CADM2: variants seen among roughly 807,000 people sequenced by gnomAD.
CADM2 encodes immunoglobulin superfamily member 4D.
A neutral mutation model predicts 49.8 loss-of-function variants in CADM2; 12 were observed. The observed-to-expected ratio is 0.24, with a 90% CI of 0.15 to 0.39. The LOEUF (loss-of-function observed/expected upper bound fraction) is 0.39, where lower values mean the gene tolerates loss of function less well. Ranked by LOEUF, CADM2 falls within the 10% of genes least tolerant of loss-of-function variation. CADM2 has a pLI of 1.00. For synonymous variants in CADM2, 214 were observed against 175.4 expected (o/e 1.22, Z -1.74); for missense variants, 378 against 492.3 (o/e 0.77, Z 2.20).
At chr3:85,587,541 C>G (rs577502206) in intron 1 of CADM2, among the ~76,000 whole-genome samples, 3 of 152,076 alleles carry the variant, frequency 2.0e-5, no homozygotes, top group Admixed American at 2.0e-4. Flanking sequence ...GCGAGTCACA[C>G]TAAATAGTCA....
chr3:85,487,329 C>T (rs2326315), intron 1 of CADM2, among the ~76,000 whole-genome samples: 132,935 of 152,192 alleles, frequency 0.87, 58,210 homozygotes, highest in East Asian at 0.95. Context: ...TACTGGGCAG[C>T]GAAACAACAC....
At chr3:85,109,587 A>G (rs1372287766) in intron 1 of CADM2, among the ~76,000 whole-genome samples, 3 of 152,008 alleles carry the variant, frequency 2.0e-5, no homozygotes, top group Middle Eastern at 3.2e-3. Context: ...TGGAAACAAT[A>G]GCATCATTTA....
chr3:86,059,141 G>T (rs571794814), intron 8 of CADM2, among the ~76,000 whole-genome samples: 1 of 150,894 alleles, frequency 6.6e-6, no homozygotes, highest in Non-Finnish European at 1.5e-5. Flanking sequence ...AAAGCTACTT[G>T]CATTCATATT....
At chr3:85,917,569 A>T (rs915058519) in intron 6 of CADM2, among the ~76,000 whole-genome samples, 1 of 152,138 alleles carries the variant, frequency 6.6e-6, no homozygotes, top group Non-Finnish European at 1.5e-5. Context: ...TGGTTACTGT[A>T]GCCTTGTAGT....
chr3:85,112,775 T>C (rs2038507920), intron 1 of CADM2, among the ~76,000 whole-genome samples: 1 of 151,812 alleles, frequency 6.6e-6, no homozygotes, highest in Non-Finnish European at 1.5e-5. Context: ...AACGTTAGAC[T>C]TTCATAAAGA....
intron 8 of CADM2, among the ~76,000 whole-genome samples, chr3:86,018,886 A>T (rs902777777): frequency 6.7e-6 from 1 of 149,992 alleles, no homozygotes; most frequent in African/African-American, 2.5e-5. Flanking sequence ...GTTTAATTAG[A>T]TCACATTTGT....
At chr3:85,769,231 CATATACACAT>C (rs1337671992) in intron 2 of CADM2, among the ~76,000 whole-genome samples, 33 of 111,714 alleles carry the variant, frequency 3.0e-4, no homozygotes, top group African/African-American at 1.1e-3. Context: ...TATATACACA[CATATACACAT>C]ATATACATAT....
intron 1 of CADM2, among the ~76,000 whole-genome samples, chr3:85,485,198 G>A (rs2039369321): frequency 6.6e-6 from 1 of 151,788 alleles, no homozygotes; most frequent in African/African-American, 2.4e-5. Context: ...AATCAGACAA[G>A]TATCTAGTAG....
At chr3:85,100,548 C>A (rs945378930) in intron 1 of CADM2, among the ~76,000 whole-genome samples, 1 of 152,114 alleles carries the variant, frequency 6.6e-6, no homozygotes, top group Non-Finnish European at 1.5e-5. Context: ...TTGGGTTACA[C>A]ATAGTTTTCA....
At chr3:85,973,316 A>G (rs1448545112) in intron 8 of CADM2, among the ~76,000 whole-genome samples, 1 of 151,690 alleles carries the variant, frequency 6.6e-6, no homozygotes, top group Non-Finnish European at 1.5e-5. Flanking sequence ...GTAGTGCACC[A>G]TGGCCATGCC....
chr3:85,048,357 T>C (rs989398736), intron 1 of CADM2, among the ~76,000 whole-genome samples: 6 of 152,184 alleles, frequency 3.9e-5, no homozygotes, highest in Non-Finnish European at 5.9e-5. Flanking sequence ...ACTATTCTTA[T>C]CTGTGTATGG....
chr3:85,074,890 T>G (rs1443960214), intron 1 of CADM2, among the ~76,000 whole-genome samples: 1 of 151,894 alleles, frequency 6.6e-6, no homozygotes, highest in African/African-American at 2.4e-5. Flanking sequence ...CCTTCCATTT[T>G]TAAAAATCCT....
intron 8 of CADM2, chr3:86,012,503 C>A: frequency 9.0e-7 from 1 of 1,108,420 alleles, no homozygotes; most frequent in Non-Finnish European, 1.2e-6. Context: ...GACCAGCGGG[C>A]GGACTGCCCT....
At chr3:85,372,433 A>ATGTATATG (rs1559806245) in intron 1 of CADM2, among the ~76,000 whole-genome samples, 1 of 131,272 alleles carries the variant, frequency 7.6e-6, no homozygotes, top group Non-Finnish European at 1.7e-5. Flanking sequence ...GTGTGTATAT[A>ATGTATATG]TGTATATATG....
intron 1 of CADM2, among the ~76,000 whole-genome samples, chr3:85,587,872 G>A (rs1164367346): frequency 6.6e-6 from 1 of 151,964 alleles, no homozygotes; most frequent in Non-Finnish European, 1.5e-5. Flanking sequence ...AGCATACTGA[G>A]TAGCTGGAAC....
At chr3:85,911,729 A>G (rs1286555790) in intron 5 of CADM2, among the ~76,000 whole-genome samples, 1 of 152,146 alleles carries the variant, frequency 6.6e-6, no homozygotes, top group African/African-American at 2.4e-5. Context: ...AATTAAGATT[A>G]TGTTTTAGTA....
At chr3:85,553,829 G>T (rs1270188237) in intron 1 of CADM2, among the ~76,000 whole-genome samples, 1 of 152,068 alleles carries the variant, frequency 6.6e-6, no homozygotes, top group African/African-American at 2.4e-5. Flanking sequence ...GTGCCTCCAG[G>T]AACAAAGATC....
chr3:85,544,597 A>T (rs28493336), intron 1 of CADM2, among the ~76,000 whole-genome samples: 1 of 152,102 alleles, frequency 6.6e-6, no homozygotes, highest in Non-Finnish European at 1.5e-5. Flanking sequence ...AATAAAAAAT[A>T]AAAAAAAGAG....
intron 1 of CADM2, among the ~76,000 whole-genome samples, chr3:85,252,608 C>T (rs2042800569): frequency 6.6e-6 from 1 of 151,986 alleles, no homozygotes; most frequent in Admixed American, 6.6e-5. Context: ...TTACTTTATT[C>T]AATCCTTATT....
Sources: gnomAD v4.1 joint callset for allele counts (sites outside exome capture counted in the v4.1 genomes callset) on GRCh38, gnomAD v4.1.1 for gene constraint, MANE v1.5 for transcripts, NCBI Gene and HGNC (gene_info 2026-07-23, HGNC 2026-07-21) for gene names.